C8orf34: variants seen among roughly 807,000 people sequenced by gnomAD.
The protein encoded by C8orf34 is uncharacterized protein C8orf34.
C8orf34 carries 65 observed loss-of-function variants against 68.3 expected under a neutral mutation model. That is an observed-to-expected ratio of 0.95 (90% CI 0.78 to 1.17). The LOEUF (loss-of-function observed/expected upper bound fraction) is 1.17. Among genes scored for constraint, C8orf34 ranks in the 50% most tolerant of loss-of-function variants. The probability of loss-of-function intolerance (pLI) is 0.00; values close to 1 mark genes in which losing one functional copy is unlikely to be tolerated. For missense variants in C8orf34, 664 were observed against 655.4 expected, an observed-to-expected ratio of 1.01 and a Z score of -0.14; for synonymous variants, 244 against 241.2, an observed-to-expected ratio of 1.01 and a Z score of -0.11.
Position 68,468,731 on chromosome 8 carries a change from C to T in C8orf34, c.647C>T (p.Thr216Ile). 1 of 1,612,866 alleles carries T rather than the reference C, an allele frequency of 6.2e-7. No individual in the cohort carries two copies. The change falls in exon 4 of 14, where the codon ACT (threonine) becomes ATT (isoleucine). Residue 216 changes from threonine (T) to isoleucine (I), a missense_variant. Physicochemically the swap from Thr to Ile is moderately conservative, Grantham distance 89. Coordinates refer to ENST00000518698, the MANE Select transcript of C8orf34 (RefSeq NM_052958.4). Reference protein sequence around the residue: ...SVEHPKWNWRTKPQSRDFDEL... With the variant: ...SVEHPKWNWRIKPQSRDFDEL... ...GAGCATCCAAAGTGGAACTGGAGGACTAAACCACAAAGCCGTGATTTTGAT... is the reference window on the plus strand; with the variant it reads ...GAGCATCCAAAGTGGAACTGGAGGATTAAACCACAAAGCCGTGATTTTGAT...
At chr8:68,497,903 A>G (rs1164260253) in intron 5 of C8orf34, among the ~76,000 whole-genome samples, 1 of 152,092 alleles carries the variant, frequency 6.6e-6, no homozygotes, top group Non-Finnish European at 1.5e-5. Context: ...ATGTTGGATC[A>G]CCGCAACCTC....
chr8:68,494,248 T>C (rs1035809728), intron 5 of C8orf34, among the ~76,000 whole-genome samples: 1 of 152,344 alleles, frequency 6.6e-6, no homozygotes, highest in Middle Eastern at 3.4e-3. Context: ...CTTGAGGAAC[T>C]TATGCTAAGT....
intron 7 of C8orf34, among the ~76,000 whole-genome samples, chr8:68,575,812 A>G (rs890546847): frequency 3.3e-5 from 5 of 152,122 alleles, no homozygotes; most frequent in African/African-American, 1.2e-4. Context: ...TTGAGATTTA[A>G]TCAAGTATTA....
At chr8:68,551,455 A>G (rs1191616742) in intron 7 of C8orf34, among the ~76,000 whole-genome samples, 2 of 151,980 alleles carry the variant, frequency 1.3e-5, no homozygotes, top group Non-Finnish European at 2.9e-5. Flanking sequence ...TGTATTAATC[A>G]TGGTTTTAAA....
At chr8:68,392,598 A>G (rs1313029319) in intron 1 of C8orf34, among the ~76,000 whole-genome samples, 1 of 152,048 alleles carries the variant, frequency 6.6e-6, no homozygotes, top group Non-Finnish European at 1.5e-5. Flanking sequence ...CTATTATAAA[A>G]TAATTTTGCT....
chr8:68,811,263 C>T (rs1585919381), intron 12 of C8orf34, among the ~76,000 whole-genome samples: 1 of 152,208 alleles, frequency 6.6e-6, no homozygotes, highest in African/African-American at 2.4e-5. Context: ...TGAACTGAGC[C>T]ACAACTTTGC....
intron 9 of C8orf34, among the ~76,000 whole-genome samples, chr8:68,720,937 C>G (rs776853695): frequency 1.3e-5 from 2 of 151,740 alleles, no homozygotes; most frequent in Non-Finnish European, 2.9e-5. Flanking sequence ...ATGTTCCATT[C>G]CATCTAAAAG....
intron 5 of C8orf34, among the ~76,000 whole-genome samples, chr8:68,501,877 T>C (rs1295420288): frequency 6.6e-6 from 1 of 152,158 alleles, no homozygotes; most frequent in Non-Finnish European, 1.5e-5. Context: ...TAGATACACA[T>C]AGGTACAAAG....
Position 68,566,555 on chromosome 8 carries a change from C to T in C8orf34, c.1105+33406C>T, listed in dbSNP as rs568168502. The stretch of plus-strand genomic sequence containing the variant: ...ATGGAGATGGCTTCTTTCCTTAAAC[C>T]TCATGAACCAACCCCCGCTAGCTTT... On this transcript the variant is annotated intron_variant, in intron 7 of 13. Coordinates refer to ENST00000518698, the MANE Select transcript of C8orf34 (RefSeq NM_052958.4). Among the ~76,000 whole-genome samples the T allele has an allele frequency of 2.0e-5, 3 of 152,308 alleles. No homozygotes were observed. In the East Asian group the frequency reaches 5.8e-4, roughly 29 times the overall value.
At chr8:68,790,776 G>T (rs777338484) in intron 12 of C8orf34, 11 of 656,078 alleles carry the variant, frequency 1.7e-5, no homozygotes, top group Non-Finnish European at 2.5e-5. Flanking sequence ...ATCTACTGGG[G>T]TACTTGTTTA....
intron 1 of C8orf34, among the ~76,000 whole-genome samples, chr8:68,403,358 T>C (rs974727678): frequency 2.0e-5 from 3 of 152,152 alleles, no homozygotes; most frequent in Non-Finnish European, 4.4e-5. Flanking sequence ...ACATGAGTGA[T>C]TCAGTTTACC....
chr8:68,744,104 G>A (rs1025036461), intron 10 of C8orf34, among the ~76,000 whole-genome samples: 1 of 152,162 alleles, frequency 6.6e-6, no homozygotes, highest in African/African-American at 2.4e-5. Flanking sequence ...TAACTGGGAG[G>A]TACCACCCAG....
At chr8:68,811,578 G>A (rs1012166545) in intron 12 of C8orf34, among the ~76,000 whole-genome samples, 9 of 152,182 alleles carry the variant, frequency 5.9e-5, no homozygotes, top group African/African-American at 2.2e-4. Flanking sequence ...GTCCACTGCT[G>A]CAATCACTAA....
chr8:68,649,783 G>A (rs1006563901), intron 8 of C8orf34, among the ~76,000 whole-genome samples: 1 of 152,124 alleles, frequency 6.6e-6, no homozygotes. Flanking sequence ...ACAAAGAGCT[G>A]GTGCTTCAGA....
intron 7 of C8orf34, chr8:68,535,043 G>T (rs1815403585): frequency 2.0e-6 from 2 of 985,150 alleles, no homozygotes; most frequent in Non-Finnish European, 2.4e-6. Context: ...TAATAATGTT[G>T]GTCTCTAGGT....
intron 7 of C8orf34, among the ~76,000 whole-genome samples, chr8:68,619,885 AG>A (rs140385543): frequency 0.017 from 2,614 of 152,330 alleles, 39 homozygotes; most frequent in Middle Eastern, 0.054. Flanking sequence ...GTAGGAAAAA[AG>A]GTAAAAAGAC....
intron 7 of C8orf34, 138 bp from the exon 8 acceptor site, chr8:68,640,238 T>C: frequency 2.9e-6 from 2 of 686,550 alleles, no homozygotes; most frequent in Non-Finnish European, 4.8e-6. Flanking sequence ...ATAATTGATA[T>C]ATGTAGTTAG....
At chr8:68,550,657 A>T (rs1450672481) in intron 7 of C8orf34, among the ~76,000 whole-genome samples, 1 of 151,812 alleles carries the variant, frequency 6.6e-6, no homozygotes, top group Non-Finnish European at 1.5e-5. Flanking sequence ...AGAGAGGTCT[A>T]CTGGCAACAA....
At chr8:68,653,640 TCA>T (rs1265713515) in intron 8 of C8orf34, among the ~76,000 whole-genome samples, 1 of 152,186 alleles carries the variant, frequency 6.6e-6, no homozygotes, top group East Asian at 1.9e-4. Flanking sequence ...TTGTGTATCC[TCA>T]CATGGTGGAA....
Sources: gnomAD v4.1 joint callset for allele counts (sites outside exome capture counted in the v4.1 genomes callset) on GRCh38, gnomAD v4.1.1 for gene constraint, MANE v1.5 for transcripts, NCBI Gene and HGNC (gene_info 2026-07-23, HGNC 2026-07-21) for gene names.